BABAM2: variants seen among roughly 807,000 people sequenced by gnomAD.
The protein encoded by BABAM2 is BRISC and BRCA1-A complex member 2.
Under a neutral mutation model 54.7 loss-of-function variants are expected in BABAM2, and 31 were observed. That is an observed-to-expected ratio of 0.57 (90% confidence interval 0.43 to 0.77). BABAM2 has a LOEUF of 0.77. Ranked by LOEUF, BABAM2 falls within the 30% of genes least tolerant of loss-of-function variation. The probability of loss-of-function intolerance (pLI) is 0.00; values close to 1 mark genes in which losing one functional copy is unlikely to be tolerated. For synonymous variants in BABAM2, 167 were observed against 162.9 expected (o/e 1.03, Z -0.19); for missense variants, 364 against 455.8 (o/e 0.80, Z 1.83).
At chr2:28,202,937 C>T (rs1678436953) in intron 7 of BABAM2, among the ~76,000 whole-genome samples, 1 of 152,190 alleles carries the variant, frequency 6.6e-6, no homozygotes, top group East Asian at 1.9e-4. Flanking sequence ...GGATTTTGTA[C>T]CTTAACCTCA....
intron 4 of BABAM2, among the ~76,000 whole-genome samples, chr2:27,998,316 A>G (rs1391494806): frequency 3.3e-5 from 5 of 151,752 alleles, no homozygotes; most frequent in Non-Finnish European, 1.5e-5. Flanking sequence ...ATTAATAATA[A>G]TTATTATTAT....
intron 11 of BABAM2, among the ~76,000 whole-genome samples, chr2:28,332,472 GTCCCAGTTCTGGA>G (rs1472398221): frequency 6.6e-6 from 1 of 152,246 alleles, no homozygotes; most frequent in East Asian, 1.9e-4. Flanking sequence ...AGGAAATGGA[GTCCCAGTTCTGGA>G]TGACACAATG....
intron 6 of BABAM2, among the ~76,000 whole-genome samples, chr2:28,073,065 A>G (rs781173456): frequency 6.6e-6 from 1 of 152,186 alleles, no homozygotes; most frequent in Non-Finnish European, 1.5e-5. Flanking sequence ...GTTCTCTGGT[A>G]TTGAGCTGGC....
At chr2:28,195,818 A>G (rs1296256842) in intron 7 of BABAM2, among the ~76,000 whole-genome samples, 2 of 152,222 alleles carry the variant, frequency 1.3e-5, no homozygotes, top group Non-Finnish European at 2.9e-5. Flanking sequence ...ATTCAAGTCT[A>G]CCTAATTCAA....
chr2:28,302,798 A>G (rs531476151), intron 11 of BABAM2, among the ~76,000 whole-genome samples: 22 of 152,282 alleles, frequency 1.4e-4, no homozygotes, highest in African/African-American at 4.8e-4. Flanking sequence ...GTAAGATCTC[A>G]TGTTTTTAAT....
chr2:27,940,125 A>G (rs937144888), intron 3 of BABAM2, among the ~76,000 whole-genome samples: 1 of 152,192 alleles, frequency 6.6e-6, no homozygotes, highest in African/African-American at 2.4e-5. Flanking sequence ...TACTTAAATG[A>G]TATTGGAAAT....
chr2:28,015,419 C>A (rs1674727638), intron 4 of BABAM2, among the ~76,000 whole-genome samples: 1 of 152,054 alleles, frequency 6.6e-6, no homozygotes, highest in Non-Finnish European at 1.5e-5. Context: ...AAAGATGTAT[C>A]CAGATTCAAT....
At chr2:27,916,686 A>T (rs1000946865) in intron 2 of BABAM2, among the ~76,000 whole-genome samples, 4 of 152,174 alleles carry the variant, frequency 2.6e-5, no homozygotes, top group African/African-American at 9.7e-5. Context: ...TTACTTAAAG[A>T]CAATTGCCCA....
At position 28,129,355 on chromosome 2, in the gene BABAM2, C is replaced by T. The variant is rs1442569906; in HGVS notation, c.655C>T (p.Leu219=). ...TGAAGCCACCCAGGTGTACCCCAAGCTGTACTTGTCACCTCGAATTGAGCA... is the reference window on the plus strand; with the variant it reads ...TGAAGCCACCCAGGTGTACCCCAAGTTGTACTTGTCACCTCGAATTGAGCA... The part of the protein sequence containing the change: ...DTEATQVYPK[L]YLSPRIEHAL... The change falls in exon 7 of 12, where the codon CTG becomes TTG. Residue 219 remains leucine, a synonymous_variant. Coordinates refer to ENST00000379624, the MANE Select transcript of BABAM2 (RefSeq NM_199191.3). 1 of 1,613,994 alleles carries T rather than the reference C, an allele frequency of 6.2e-7. No individual in the cohort carries two copies. Among genetic ancestry groups the T allele is most frequent in the Admixed American group, 1.7e-5 (1 of 60,028 alleles).
intron 10 of BABAM2, among the ~76,000 whole-genome samples, chr2:28,287,412 G>A (rs375338550): frequency 1.3e-4 from 20 of 152,208 alleles, no homozygotes; most frequent in African/African-American, 4.8e-4. Flanking sequence ...ATTTCTTTCT[G>A]CATCTCATAA....
At chr2:28,282,595 C>T (rs1024542993) in intron 10 of BABAM2, among the ~76,000 whole-genome samples, 4 of 152,178 alleles carry the variant, frequency 2.6e-5, no homozygotes, top group Non-Finnish European at 5.9e-5. Context: ...TTGCCCAAAG[C>T]CAGGCTTACT....
Position 28,271,903 on chromosome 2 carries a change from G to A in BABAM2, c.935-26435G>A, listed in dbSNP as rs569273194. Among the ~76,000 whole-genome samples the A allele has an allele frequency of 8.5e-5, 13 of 152,224 alleles. No homozygotes were observed. In the South Asian group the frequency reaches 1.5e-3, roughly 17 times the overall value. ...TTTAATTATCCCAGATGATTACTCC[G>A]TCAGTTCTAGGCACATGGTGGAATG... is the stretch of plus-strand genomic sequence containing the variant. On this transcript the variant is annotated intron_variant, in intron 10 of 11. Coordinates refer to ENST00000379624, the MANE Select transcript of BABAM2 (RefSeq NM_199191.3).
At chr2:28,023,583 A>T (rs1198655305) in intron 4 of BABAM2, among the ~76,000 whole-genome samples, 1 of 152,182 alleles carries the variant, frequency 6.6e-6, no homozygotes, top group African/African-American at 2.4e-5. Flanking sequence ...TCATATCAAG[A>T]TACCCCTCTT....
At chr2:27,955,495 G>T (rs1670019382) in intron 3 of BABAM2, among the ~76,000 whole-genome samples, 1 of 152,186 alleles carries the variant, frequency 6.6e-6, no homozygotes, top group Non-Finnish European at 1.5e-5. Context: ...CGTTTTGTTG[G>T]TCTAGGGCAA....
At chr2:27,961,435 T>C (rs1381479939) in intron 3 of BABAM2, among the ~76,000 whole-genome samples, 2 of 152,216 alleles carry the variant, frequency 1.3e-5, no homozygotes, top group East Asian at 3.9e-4. Context: ...TATTATAAAA[T>C]AGACTTTGTG....
intron 6 of BABAM2, among the ~76,000 whole-genome samples, chr2:28,113,587 G>A (rs927387246): frequency 3.9e-5 from 6 of 152,106 alleles, no homozygotes; most frequent in Admixed American, 6.5e-5. Context: ...GTAGCGTGAT[G>A]CCTCCAGCTC....
At chr2:27,921,374 G>C (rs1034870293) in intron 2 of BABAM2, among the ~76,000 whole-genome samples, 1 of 151,818 alleles carries the variant, frequency 6.6e-6, no homozygotes, top group Non-Finnish European at 1.5e-5. Flanking sequence ...ATCATTTGTT[G>C]AAAACATTTA....
At chr2:28,239,767 C>A (rs1045157385) in intron 8 of BABAM2, among the ~76,000 whole-genome samples, 1 of 152,170 alleles carries the variant, frequency 6.6e-6, no homozygotes, top group Admixed American at 6.6e-5. Context: ...CTAATGAAAT[C>A]ATTGATTCAG....
At chr2:27,950,740 G>A (rs970563998) in intron 3 of BABAM2, among the ~76,000 whole-genome samples, 8 of 151,838 alleles carry the variant, frequency 5.3e-5, no homozygotes, top group Non-Finnish European at 1.2e-4. Context: ...TTCCTTAAAT[G>A]TTTGGTAGAA....
Sources: gnomAD v4.1 joint callset for allele counts (sites outside exome capture counted in the v4.1 genomes callset) on GRCh38, gnomAD v4.1.1 for gene constraint, MANE v1.5 for transcripts, NCBI Gene and HGNC (gene_info 2026-07-23, HGNC 2026-07-21) for gene names.